Variants in TLN2 observed in about 807,000 individuals in gnomAD.
TLN2 encodes talin 2.
Under a neutral mutation model 294.7 loss-of-function variants are expected in TLN2, and 118 were observed. That is an observed-to-expected ratio of 0.40 (90% confidence interval 0.34 to 0.47). TLN2 has a LOEUF of 0.47. Among genes scored for constraint, TLN2 ranks in the 20% least tolerant of loss-of-function variants. The probability of loss-of-function intolerance (pLI) is 0.84; values close to 1 mark genes in which losing one functional copy is unlikely to be tolerated. For missense variants in TLN2, 3,083 were observed against 3,282.2 expected (o/e 0.94, Z 1.48); for synonymous variants, 1,431 against 1,304.5 (o/e 1.10, Z -2.09).
In TLN2 at chr15:62,547,603, C is replaced by T. The variant is rs74020502; in HGVS notation, c.-237-42084C>T. Among the ~76,000 whole-genome samples the T allele has an allele frequency of 4.4e-3, 671 of 152,266 alleles. 9 individuals are homozygous for T. The highest frequency in any genetic ancestry group is 0.015 in the African/African-American group (625 of 41,530). ...TAAAAGACTTTGAAGGTGGCTGGAA[C>T]CTATTGTTCGGTGGATGCCTTGGGC... On this transcript the variant is annotated intron_variant, in intron 1 of 58. Transcript: ENST00000636159.
intron 1 of TLN2, among the ~76,000 whole-genome samples, chr15:62,557,037 C>T (rs913440771): frequency 6.6e-6 from 1 of 152,158 alleles, no homozygotes; most frequent in African/African-American, 2.4e-5. Flanking sequence ...TTTGTCTCTC[C>T]GTTGAGGAAT....
intron 42 of TLN2, among the ~76,000 whole-genome samples, chr15:62,773,390 G>A (rs1179085495): frequency 1.3e-5 from 2 of 152,016 alleles, no homozygotes; most frequent in Admixed American, 1.3e-4. Context: ...AGCATTAGAT[G>A]ATGAAGTAAA....
chr15:62,507,292 A>G (rs921345129), intron 1 of TLN2, among the ~76,000 whole-genome samples: 4 of 152,164 alleles, frequency 2.6e-5, no homozygotes. Flanking sequence ...AGTCAGCACA[A>G]TTTGGGAAAG....
intron 1 of TLN2, among the ~76,000 whole-genome samples, chr15:62,532,459 A>G (rs1430227145): frequency 6.6e-6 from 1 of 152,100 alleles, no homozygotes; most frequent in Non-Finnish European, 1.5e-5. Flanking sequence ...GTGGATTGTT[A>G]TGTGGTTCCC....
chr15:62,513,889 C>G (rs141788160), intron 1 of TLN2, among the ~76,000 whole-genome samples: 1 of 152,310 alleles, frequency 6.6e-6, no homozygotes, highest in East Asian at 1.9e-4. Flanking sequence ...TGTGTTGGAG[C>G]TGTGACTCTG....
chr15:62,796,556 G>A (rs1335989534), intron 47 of TLN2, among the ~76,000 whole-genome samples: 7 of 152,160 alleles, frequency 4.6e-5, no homozygotes, highest in Admixed American at 1.3e-4. Flanking sequence ...CCTGCCACAC[G>A]CTGAGCCAGA....
At chr15:62,771,230 T>A (rs537014439) in intron 42 of TLN2, 96 bp downstream of exon 42, 5 of 1,341,276 alleles carry the variant, frequency 3.7e-6, no homozygotes. Flanking sequence ...ACACTTCCAG[T>A]TCTTGCTGGT....
Position 62,661,089 on chromosome 15 carries a change from A to G in TLN2, c.788+3191A>G, listed in dbSNP as rs567655007. ...AATTAACTCTTAAAACAGCCACAACAAAACATAATAATGACTAATTTCTAG... is the reference window on the plus strand; with the variant it reads ...AATTAACTCTTAAAACAGCCACAACGAAACATAATAATGACTAATTTCTAG... On this transcript the variant is annotated intron_variant, in intron 9 of 58. Coordinates refer to ENST00000636159, the MANE Select transcript of TLN2 (RefSeq NM_015059.3). Among the ~76,000 whole-genome samples, 76 of 152,322 alleles carry G rather than the reference A, an allele frequency of 5.0e-4. No homozygotes were observed. In the East Asian group the frequency reaches 6.0e-3, roughly 12 times the overall value.
intron 1 of TLN2, among the ~76,000 whole-genome samples, chr15:62,485,341 A>G (rs1254192386): frequency 6.6e-6 from 1 of 152,184 alleles, no homozygotes; most frequent in East Asian, 1.9e-4. Flanking sequence ...TTGCAGGGAG[A>G]TAAGTGGCCG....
rs571114033 is a variant in TLN2 at position 62,505,400 on chromosome 15, T to A, written c.-237-84287T>A. ...GAGTTGTCTTAAATCTGGCTTACATTGATTTAAACCTATTTTAAAATGTGC... is the reference window on the plus strand; with the variant it reads ...GAGTTGTCTTAAATCTGGCTTACATAGATTTAAACCTATTTTAAAATGTGC... On this transcript the variant is annotated intron_variant, in intron 1 of 58. Transcript: ENST00000636159. Among the ~76,000 whole-genome samples, 16 of 152,362 alleles carry A rather than the reference T, an allele frequency of 1.1e-4. No individual in the cohort carries two copies. The South Asian group carries it at 3.1e-3, about 30-fold the overall frequency.
chr15:62,411,053 T>G (rs2033748198), intron 1 of TLN2, among the ~76,000 whole-genome samples: 1 of 152,226 alleles, frequency 6.6e-6, no homozygotes, highest in South Asian at 2.1e-4. Flanking sequence ...CATCTTTTTC[T>G]GGGTGTCTAC....
chr15:62,434,396 A>G (rs549126690), intron 1 of TLN2, among the ~76,000 whole-genome samples: 1 of 152,268 alleles, frequency 6.6e-6, no homozygotes, highest in Admixed American at 6.5e-5. Flanking sequence ...CCATTATAGT[A>G]TATTCCATTT....
At chr15:62,530,388 C>A (rs938039382) in intron 1 of TLN2, among the ~76,000 whole-genome samples, 1 of 152,112 alleles carries the variant, frequency 6.6e-6, no homozygotes, top group African/African-American at 2.4e-5. Flanking sequence ...GATGGAGTCT[C>A]GCTCTGTTGC....
At chr15:62,570,256 C>T (rs1224248179) in intron 1 of TLN2, among the ~76,000 whole-genome samples, 1 of 152,202 alleles carries the variant, frequency 6.6e-6, no homozygotes, top group Non-Finnish European at 1.5e-5. Flanking sequence ...CCAGGCGGAT[C>T]CCTGGCTTGG....
At chr15:62,678,746 G>T (rs964533517) in intron 11 of TLN2, among the ~76,000 whole-genome samples, 1 of 152,162 alleles carries the variant, frequency 6.6e-6, no homozygotes, top group African/African-American at 2.4e-5. Context: ...CAGGAGAATC[G>T]TTTGAACCTG....
chr15:62,521,777 G>A (rs1302383431), intron 1 of TLN2, among the ~76,000 whole-genome samples: 4 of 152,090 alleles, frequency 2.6e-5, no homozygotes, highest in African/African-American at 7.2e-5. Flanking sequence ...GACATTTTCC[G>A]CATGCAAATT....
intron 36 of TLN2, 114 bp downstream of exon 36, chr15:62,754,030 T>C (rs2062085077): frequency 7.6e-7 from 1 of 1,320,906 alleles, no homozygotes; most frequent in South Asian, 2.2e-5. Context: ...CTTGCAAAGG[T>C]AGCTAAATGC....
chr15:62,792,234 A>C (rs752403391), intron 45 of TLN2, among the ~76,000 whole-genome samples: 20 of 152,232 alleles, frequency 1.3e-4, no homozygotes, highest in Non-Finnish European at 2.6e-4. Context: ...AAATGAAATT[A>C]AACACATTAC....
chr15:62,498,171 A>G (rs1398149342), intron 1 of TLN2, among the ~76,000 whole-genome samples: 6 of 147,880 alleles, frequency 4.1e-5, no homozygotes, highest in East Asian at 1.9e-4. Context: ...AAAAAAAAAA[A>G]AAAGAAAAAA....
Sources: allele counts gnomAD v4.1 joint callset (sites outside exome capture counted in the v4.1 genomes callset), GRCh38; gene constraint gnomAD v4.1.1; transcripts MANE v1.5; gene names NCBI Gene and HGNC (gene_info 2026-07-23, HGNC 2026-07-21).